The following SLC39A9 variants were observed in gnomAD, a reference collection of about 807,000 sequenced individuals.
SLC39A9 encodes solute carrier family 39 member 9, also known as zinc transporter ZIP9.
Under a neutral mutation model 28.4 loss-of-function variants are expected in SLC39A9, and 14 were observed. The ratio of observed to expected loss-of-function variants is 0.49; its 90% confidence interval spans 0.33 to 0.77. SLC39A9 has a LOEUF of 0.77. Among genes scored for constraint, SLC39A9 ranks in the 30% least tolerant of loss-of-function variants. The probability of loss-of-function intolerance (pLI) is 0.02; values close to 1 mark genes in which losing one functional copy is unlikely to be tolerated. For synonymous variants in SLC39A9, 119 were observed against 149.6 expected (o/e 0.80, Z 1.49); for missense variants, 283 against 381.1 (o/e 0.74, Z 2.14).
intron 3 of SLC39A9, among the ~76,000 whole-genome samples, chr14:69,449,024 T>G (rs7155928): frequency 0.035 from 5,256 of 152,280 alleles, 328 homozygotes; most frequent in African/African-American, 0.12. Flanking sequence ...TACTGAAGGT[T>G]TAAAATTATT....
chr14:69,461,806 G>A lies in SLC39A9; in HGVS notation c.*3213G>A. ...TATGACAGCAGCACAAACCCCCAAAGGATGTTCCTGCCTTGTGGGCCCCTG... is the reference window on the plus strand; with the variant it reads ...TATGACAGCAGCACAAACCCCCAAAAGATGTTCCTGCCTTGTGGGCCCCTG... On this transcript the variant is annotated 3_prime_UTR_variant, in exon 7 of 7. Coordinates refer to ENST00000336643, the MANE Select transcript of SLC39A9 (RefSeq NM_018375.5). 22 of 1,483,990 alleles carry A rather than the reference G, an allele frequency of 1.5e-5. No homozygotes were observed. Among genetic ancestry groups the A allele is most frequent in the Non-Finnish European group, 2.0e-5 (22 of 1,108,626 alleles). The allele number at this position is 1,483,990 out of a possible 1,614,324, so 91.9% of individuals were successfully genotyped here. A position where few individuals can be genotyped will look rare whatever the true frequency, so the allele number is the denominator to read the frequency against.
In SLC39A9 at chr14:69,454,885, C is replaced by T. The variant is rs745649576; in HGVS notation, c.546C>T (p.Ile182=). 3 of 1,613,708 alleles carry T rather than the reference C, an allele frequency of 1.9e-6. No homozygotes were observed. Among genetic ancestry groups the T allele is most frequent in the Non-Finnish European group, 2.5e-6 (3 of 1,179,678 alleles). ...TCCAGTTAATTGTGTTTGTGGCAAT[C>T]ATGCTACATAAGGTAAGCAACATTT... ...TSVQLIVFVA[I]MLHKAPAAFG... Residue 182 remains isoleucine, a synonymous_variant, in exon 5 of 7, where the codon ATC becomes ATT. Transcript: ENST00000336643.
rs1333255296 is a variant in SLC39A9, at chr14:69,453,532, A to AG, written c.472+223_472+224insG. Among the ~76,000 whole-genome samples the AG allele has an allele frequency of 2.0e-3, 308 of 152,218 alleles. 1 individual carries two copies. Among genetic ancestry groups the AG allele is most frequent in the African/African-American group, 7.1e-3 (296 of 41,538 alleles). On this transcript the variant is annotated intron_variant, in intron 4 of 6. Coordinates refer to ENST00000336643, the MANE Select transcript of SLC39A9 (RefSeq NM_018375.5). ...TACTTTTTAATGGTTTAAAAAAAAA[A>AG]AGAGAGAGAGGAACATACTGTAGCA...
intron 2 of SLC39A9, among the ~76,000 whole-genome samples, chr14:69,427,143 C>T (rs921568430): frequency 1.2e-4 from 18 of 151,742 alleles, no homozygotes; most frequent in Admixed American, 1.1e-3. Context: ...GCTGGGACTA[C>T]AGGCTCATGA....
chr14:69,455,741 G>A lies in SLC39A9; in HGVS notation c.568G>A (p.Ala190Thr). 6.2e-7 allele frequency: 1 copy of A among 1,614,152 alleles called. No individual in the cohort carries two copies. The highest frequency in any genetic ancestry group is 8.5e-7 in the Non-Finnish European group (1 of 1,180,022). ...GATTTTTTATTTCCAGGCACCAGCT[G>A]CTTTTGGACTGGTTTCCTTCTTGAT... ...VAIMLHKAPA[A>T]FGLVSFLMHA... is the part of the protein sequence containing the mutation. Residue 190 changes from alanine (A) to threonine (T), a missense_variant, in exon 6 of 7, where the codon GCT becomes ACT. Ala to Thr is a moderately conservative substitution (Grantham distance 58). Coordinates refer to ENST00000336643, the MANE Select transcript of SLC39A9 (RefSeq NM_018375.5).
At chr14:69,400,899 G>A (rs543603304) in intron 1 of SLC39A9, among the ~76,000 whole-genome samples, 1 of 151,440 alleles carries the variant, frequency 6.6e-6, no homozygotes, top group South Asian at 2.1e-4. Context: ...CGCGCCTGTA[G>A]TCCTAGCTAC....
chr14:69,442,607 A>G (rs1885101589), intron 3 of SLC39A9, among the ~76,000 whole-genome samples: 1 of 152,230 alleles, frequency 6.6e-6, no homozygotes, highest in Middle Eastern at 3.2e-3. Context: ...AATGTATAAA[A>G]CATAGTACAT....
At chr14:69,407,716 G>T (rs146098883) in intron 1 of SLC39A9, among the ~76,000 whole-genome samples, 62 of 146,550 alleles carry the variant, frequency 4.2e-4, no homozygotes, top group African/African-American at 1.4e-3. Flanking sequence ...TCGGCTCACT[G>T]CAACCTCCTC....
At chr14:69,456,527 T>C (rs1221963415) in intron 6 of SLC39A9, among the ~76,000 whole-genome samples, 1 of 151,592 alleles carries the variant, frequency 6.6e-6, no homozygotes, top group Non-Finnish European at 1.5e-5. Context: ...TGTACAGTTC[T>C]TTCTATTGAA....
At chr14:69,406,287 C>T (rs1411961563) in intron 1 of SLC39A9, among the ~76,000 whole-genome samples, 2 of 152,130 alleles carry the variant, frequency 1.3e-5, no homozygotes, top group African/African-American at 2.4e-5. Flanking sequence ...AAATTAACAC[C>T]TGCCAATTTG....
rs113446482 is a variant in SLC39A9, at chr14:69,413,369, A to T, written c.97-10725A>T. ...AGACTCCGTCTCAAAAAAAAAAAAA[A>T]TTTTTTTTCAAAGAATCGATACAGG... On this transcript the variant is annotated intron_variant, in intron 1 of 6. Coordinates refer to ENST00000336643, the MANE Select transcript of SLC39A9 (RefSeq NM_018375.5). Among the ~76,000 whole-genome samples the T allele has an allele frequency of 7.3e-3, 1,109 of 151,842 alleles. 7 individuals carry two copies. The highest frequency in any genetic ancestry group is 0.024 in the African/African-American group (983 of 41,424).
chr14:69,436,202 C>G (rs1884743071), intron 2 of SLC39A9, among the ~76,000 whole-genome samples: 1 of 152,038 alleles, frequency 6.6e-6, no homozygotes, highest in East Asian at 2.0e-4. Context: ...ATAGGAGTTC[C>G]AGACCAGCCT....
intron 2 of SLC39A9, among the ~76,000 whole-genome samples, chr14:69,434,195 T>C (rs1884633415): frequency 6.6e-6 from 1 of 151,390 alleles, no homozygotes; most frequent in African/African-American, 2.4e-5. Context: ...GCAATTCTCC[T>C]GTCTGAGCCT....
intron 2 of SLC39A9, among the ~76,000 whole-genome samples, chr14:69,435,455 A>G (rs1423556656): frequency 1.3e-5 from 2 of 152,180 alleles, no homozygotes; most frequent in Non-Finnish European, 2.9e-5. Context: ...TGGACTTCTT[A>G]CAGATGGCAT....
chr14:69,432,882 A>G (rs1333798102), intron 2 of SLC39A9, among the ~76,000 whole-genome samples: 1 of 152,006 alleles, frequency 6.6e-6, no homozygotes, highest in Non-Finnish European at 1.5e-5. Flanking sequence ...GTTCTGTTCC[A>G]TTGGTATATG....
At chr14:69,410,458 A>G (rs1883204633) in intron 1 of SLC39A9, among the ~76,000 whole-genome samples, 1 of 152,208 alleles carries the variant, frequency 6.6e-6, no homozygotes, top group East Asian at 1.9e-4. Context: ...TAATAATACT[A>G]GTAGCAGTAG....
intron 2 of SLC39A9, among the ~76,000 whole-genome samples, chr14:69,433,834 G>T (rs1431156172): frequency 1.3e-5 from 2 of 152,014 alleles, no homozygotes; most frequent in Non-Finnish European, 2.9e-5. Flanking sequence ...CGCCCAGGCT[G>T]GGTACAGTGG....
At chr14:69,443,598 C>G (rs1885148174) in intron 3 of SLC39A9, among the ~76,000 whole-genome samples, 1 of 152,166 alleles carries the variant, frequency 6.6e-6, no homozygotes, top group Non-Finnish European at 1.5e-5. Context: ...GGGGCAGTCA[C>G]CATGACTCAC....
intron 1 of SLC39A9, among the ~76,000 whole-genome samples, chr14:69,418,102 GT>G (rs1379915003): frequency 2.0e-5 from 3 of 152,086 alleles, no homozygotes; most frequent in Non-Finnish European, 4.4e-5. Context: ...TTGGCTGTGG[GT>G]TTGTCATAAA....
Sources: gnomAD v4.1 joint callset for allele counts (sites outside exome capture counted in the v4.1 genomes callset) on GRCh38, gnomAD v4.1.1 for gene constraint, MANE v1.5 for transcripts, NCBI Gene and HGNC (gene_info 2026-07-23, HGNC 2026-07-21) for gene names.